The following EPHA3 variants were observed in gnomAD, a reference collection of about 807,000 sequenced individuals.
EPHA3 encodes EPH receptor A3, also known as ephrin type-A receptor 3.
Under a neutral mutation model 107.1 loss-of-function variants are expected in EPHA3, and 42 were observed. The observed-to-expected ratio is 0.39, with a 90% CI of 0.31 to 0.51. EPHA3 has a LOEUF of 0.51. EPHA3 is among the 20% of genes least tolerant of loss of function. EPHA3 has a pLI of 0.78. For missense variants in EPHA3, 1,183 were observed against 1,211.2 expected (o/e 0.98, Z 0.35); for synonymous variants, 461 against 424.8 (o/e 1.09, Z -1.05).
At chr3:89,270,262 C>T (rs1399154035) in intron 3 of EPHA3, among the ~76,000 whole-genome samples, 1 of 152,018 alleles carries the variant, frequency 6.6e-6, no homozygotes, top group Non-Finnish European at 1.5e-5. Flanking sequence ...TACTATGATT[C>T]ATCATTATCA....
Position 89,363,911 on chromosome 3 carries a change from C to A in EPHA3, c.1306+21821C>A, listed in dbSNP as rs879767929. Among the ~76,000 whole-genome samples the A allele has an allele frequency of 2.0e-5, 3 of 150,386 alleles. No homozygotes were observed. The Admixed American group carries it at 2.0e-4, about 10-fold the overall frequency. On this transcript the variant is annotated intron_variant, in intron 5 of 16. Transcript: ENST00000336596. ...AATGCCCAGTGCATCAGAAAGTGTC[C>A]CCTCCCCTATTCCTATCTCAAATAT... is the stretch of plus-strand genomic sequence containing the variant.
chr3:89,435,447 A>C (rs1410195237), intron 13 of EPHA3, among the ~76,000 whole-genome samples: 1 of 146,214 alleles, frequency 6.8e-6, no homozygotes, highest in African/African-American at 2.5e-5. Flanking sequence ...TAAAAAATAT[A>C]TATATATATA....
intron 2 of EPHA3, among the ~76,000 whole-genome samples, chr3:89,137,538 G>A (rs1405708741): frequency 1.3e-5 from 2 of 152,020 alleles, no homozygotes; most frequent in South Asian, 2.1e-4. Context: ...ACCTAAGAAT[G>A]CTTAATGGCT....
intron 3 of EPHA3, among the ~76,000 whole-genome samples, chr3:89,231,636 G>A (rs1704637019): frequency 6.6e-6 from 1 of 152,056 alleles, no homozygotes; most frequent in South Asian, 2.1e-4. Context: ...TTTGGGGCAG[G>A]GCCTGAGATT....
chr3:89,312,163 T>C (rs1454145399), intron 3 of EPHA3, among the ~76,000 whole-genome samples: 1 of 152,018 alleles, frequency 6.6e-6, no homozygotes, highest in Non-Finnish European at 1.5e-5. Context: ...TCACATATAT[T>C]TATAACCTCT....
intron 9 of EPHA3, among the ~76,000 whole-genome samples, chr3:89,409,279 G>A (rs1709112708): frequency 6.6e-6 from 1 of 151,976 alleles, no homozygotes; most frequent in Admixed American, 6.6e-5. Context: ...GCCTGAACAA[G>A]TTACAGGATC....
At chr3:89,225,794 A>C (rs576980914) in intron 3 of EPHA3, among the ~76,000 whole-genome samples, 16 of 152,274 alleles carry the variant, frequency 1.1e-4, no homozygotes, top group African/African-American at 3.8e-4. Flanking sequence ...AGGGGTAAAG[A>C]AGTACATAGA....
intron 5 of EPHA3, among the ~76,000 whole-genome samples, chr3:89,350,255 A>G (rs1288722153): frequency 6.7e-6 from 1 of 150,130 alleles, no homozygotes; most frequent in Non-Finnish European, 1.5e-5. Flanking sequence ...CAGGTACACC[A>G]ATCAGACGTA....
chr3:89,124,426 TAA>T (rs1480577675), intron 1 of EPHA3, among the ~76,000 whole-genome samples: 1 of 152,158 alleles, frequency 6.6e-6, no homozygotes, highest in African/African-American at 2.4e-5. Flanking sequence ...CCCAATTAAG[TAA>T]CAATTCACTT....
intron 3 of EPHA3, among the ~76,000 whole-genome samples, chr3:89,239,125 T>C (rs542005735): frequency 6.6e-6 from 1 of 152,114 alleles, no homozygotes; most frequent in Non-Finnish European, 1.5e-5. Flanking sequence ...GCTTTGTAGC[T>C]CAAAGTCAAA....
At chr3:89,328,012 C>T (rs1434279259) in intron 3 of EPHA3, among the ~76,000 whole-genome samples, 16 of 151,936 alleles carry the variant, frequency 1.1e-4, no homozygotes, top group Admixed American at 3.9e-4. Flanking sequence ...GCAGGAGAAT[C>T]ACTTAAACCC....
In EPHA3 at chr3:89,210,314, C is replaced by A; in HGVS notation, c.608C>A (p.Pro203Gln). The A allele has an allele frequency of 6.2e-7, 1 of 1,613,610 alleles. No individual in the cohort carries two copies. Among genetic ancestry groups the A allele is most frequent in the Non-Finnish European group, 8.5e-7 (1 of 1,179,776 alleles). The change falls in exon 3 of 17, where the codon CCA (proline) becomes CAA (glutamine). Residue 203 changes from proline (P) to glutamine (Q), a missense_variant. Physicochemically the swap from Pro to Gln is moderately conservative, Grantham distance 76. Coordinates refer to ENST00000336596, the MANE Select transcript of EPHA3 (RefSeq NM_005233.6). The part of the protein sequence containing the change: ...VSVRVYFKKC[P>Q]FTVKNLAMFP... ...GTGAGAGTATACTTCAAAAAGTGCC[C>A]ATTTACAGTGAAGAATCTGGCTATG...
chr3:89,341,630 A>T, intron 4 of EPHA3, 125 bp from the exon 5 acceptor site: 1 of 765,666 alleles, frequency 1.3e-6, no homozygotes, highest in Admixed American at 2.9e-5. Flanking sequence ...CTAAGGATGA[A>T]CTGAAAGTTG....
At position 89,284,597 on chromosome 3, in the gene EPHA3, C is replaced by T. The variant is rs1472333979; in HGVS notation, c.815-56319C>T. ...ATGATTATTTAGAATAAAATCAAAA[C>T]GATATTTTAAAACAAAATAAAATTA... is the stretch of plus-strand genomic sequence containing the variant. On this transcript the variant is annotated intron_variant, in intron 3 of 16. Coordinates refer to ENST00000336596, the MANE Select transcript of EPHA3 (RefSeq NM_005233.6). Among the ~76,000 whole-genome samples, 11 of 152,050 alleles carry T rather than the reference C, an allele frequency of 7.2e-5. No individual in the cohort carries two copies. The South Asian group carries it at 1.2e-3, about 17-fold the overall frequency.
At chr3:89,135,097 T>C (rs1327333170) in intron 2 of EPHA3, among the ~76,000 whole-genome samples, 1 of 152,192 alleles carries the variant, frequency 6.6e-6, no homozygotes, top group Non-Finnish European at 1.5e-5. Flanking sequence ...GTATGCAGTT[T>C]ATTTATAATT....
intron 16 of EPHA3, among the ~76,000 whole-genome samples, chr3:89,476,671 G>C (rs559660785): frequency 2.7e-5 from 4 of 150,886 alleles, no homozygotes; most frequent in African/African-American, 7.3e-5. Context: ...GCAGTGGCGC[G>C]ATCTCGGCTC....
At chr3:89,170,894 A>T (rs1466656727) in intron 2 of EPHA3, among the ~76,000 whole-genome samples, 1 of 152,078 alleles carries the variant, frequency 6.6e-6, no homozygotes, top group Admixed American at 6.5e-5. Context: ...ATCGTTAAAT[A>T]GAAGATGTTT....
intron 13 of EPHA3, among the ~76,000 whole-genome samples, chr3:89,444,292 A>G (rs961066555): frequency 2.0e-5 from 3 of 152,140 alleles, no homozygotes; most frequent in African/African-American, 7.2e-5. Flanking sequence ...TACAATGAAG[A>G]ATTTAAAGAG....
At chr3:89,304,086 T>C (rs1486593213) in intron 3 of EPHA3, among the ~76,000 whole-genome samples, 1 of 152,064 alleles carries the variant, frequency 6.6e-6, no homozygotes, top group Non-Finnish European at 1.5e-5. Flanking sequence ...CTCTGTTGTA[T>C]CCCCAGCCCC....
Sources: gnomAD v4.1 joint callset for allele counts (sites outside exome capture counted in the v4.1 genomes callset) on GRCh38, gnomAD v4.1.1 for gene constraint, MANE v1.5 for transcripts, NCBI Gene and HGNC (gene_info 2026-07-23, HGNC 2026-07-21) for gene names.